The following FHIP1B variants were observed in gnomAD, a reference collection of about 807,000 sequenced individuals.
FHIP1B encodes FHF complex subunit HOOK-interacting protein 1B.
Under a neutral mutation model 82.2 loss-of-function variants are expected in FHIP1B, and 28 were observed. The ratio of observed to expected loss-of-function variants is 0.34; its 90% CI spans 0.25 to 0.47. The LOEUF (loss-of-function observed/expected upper bound fraction) is 0.47, where lower values mean the gene tolerates loss of function less well. FHIP1B is among the 20% of genes least tolerant of loss of function. The pLI, the probability that FHIP1B is intolerant of heterozygous loss-of-function variation, is 1.00. For synonymous variants in FHIP1B, 585 were observed against 516.1 expected (o/e 1.13, Z -1.81); for missense variants, 1,110 against 1,262.6 (o/e 0.88, Z 1.83).
chr11:6,216,960 T>C, intron 9 of FHIP1B: 1 of 632,218 alleles, frequency 1.6e-6, no homozygotes, highest in South Asian at 1.8e-5. Flanking sequence ...CTGGACGGAA[T>C]GGCATAGAGA....
At position 6,211,844 on chromosome 11, in the gene FHIP1B, C is replaced by T. The variant is rs751130875; in HGVS notation, c.2581G>A (p.Gly861Arg). 1.3e-6 allele frequency: 2 copies of T among 1,581,548 alleles called. No individual in the cohort carries two copies. Among genetic ancestry groups the T allele is most frequent in the Non-Finnish European group, 8.6e-7 (1 of 1,166,382 alleles). ...PLVKSRRPSLGELLLRHAHSP... is the reference protein window; with the variant it reads ...PLVKSRRPSLRELLLRHAHSP... ...TGTGCATGCCGCAGGAGTAACTCCC[C>T]CAAGGATGGCCTCCGGCTCTTCACT... Residue 861 changes from glycine to arginine, a missense_variant, in exon 12 of 12, where the codon GGG becomes AGG. Transcript: ENST00000449352.
intron 1 of FHIP1B, among the ~76,000 whole-genome samples, chr11:6,229,704 T>C (rs1330860922): frequency 1.3e-5 from 2 of 152,116 alleles, no homozygotes; most frequent in African/African-American, 2.4e-5. Context: ...CCAAGGAAGA[T>C]TAGCCTCCAG....
Position 6,211,448 on chromosome 11 carries a change from G to A in FHIP1B, c.*58C>T. 6.6e-7 allele frequency: 1 copy of A among 1,510,960 alleles called. No individual in the cohort carries two copies. The highest frequency in any genetic ancestry group is 1.4e-5 in the South Asian group (1 of 72,470). The allele number at this position is 1,510,960 out of a possible 1,614,324, so 93.6% of individuals were successfully genotyped here. A position where few individuals can be genotyped will look rare whatever the true frequency, so the allele number is the denominator to read the frequency against. ...CCACTGCCTCCAAACATAAAAAGGA[G>A]CCTGTGCCCTAGCCCCAGCCCGGGC... On this transcript the variant is annotated 3_prime_UTR_variant, in exon 12 of 12. Coordinates refer to ENST00000449352, the MANE Select transcript of FHIP1B (RefSeq NM_001098794.2).
intron 1 of FHIP1B, among the ~76,000 whole-genome samples, chr11:6,229,767 C>A (rs1373849509): frequency 3.3e-5 from 5 of 152,108 alleles, no homozygotes; most frequent in Admixed American, 2.6e-4. Context: ...ATTTCAAAGA[C>A]CTCAAGAGAA....
At chr11:6,214,644 C>A in intron 10 of FHIP1B, 71 bp from the exon 11 acceptor site, 1 of 1,554,426 alleles carries the variant, frequency 6.4e-7, no homozygotes, top group South Asian at 1.2e-5. Flanking sequence ...TCCCACTGGG[C>A]CTGTTCCCAG....
In FHIP1B at chr11:6,223,989, A is replaced by G; in HGVS notation, c.398T>C (p.Leu133Pro). 6.2e-7 allele frequency: 1 copy of G among 1,614,080 alleles called. No homozygotes were observed. The highest frequency in any genetic ancestry group is 8.5e-7 in the Non-Finnish European group (1 of 1,180,026). ...AGCTTCGCTCACTAGCATTTCAAATAGTTTCAGTTGCTCAGCCCGCCGTTC... is the reference window on the plus strand; with the variant it reads ...AGCTTCGCTCACTAGCATTTCAAATGGTTTCAGTTGCTCAGCCCGCCGTTC... Reference protein sequence around the residue: ...VEERRAEQLKLFEMLVSEARQ... With the variant: ...VEERRAEQLKPFEMLVSEARQ... The change falls in exon 3 of 12, where the codon CTA (leucine) becomes CCA (proline). Residue 133 changes from leucine to proline, a missense_variant. Leu to Pro is a moderately conservative substitution (Grantham distance 98). Around this residue, in one of 6 missense-constraint regions of FHIP1B, gnomAD observed 467 missense variants for 602.9 expected, o/e 0.77. Transcript: ENST00000449352. The surrounding 1 kb of genome is among the most constrained non-coding windows in gnomAD (Gnocchi z 4.8).
chr11:6,213,534 C>G (rs982923368), intron 11 of FHIP1B, among the ~76,000 whole-genome samples: 3 of 152,214 alleles, frequency 2.0e-5, no homozygotes, highest in Non-Finnish European at 2.9e-5. Context: ...CCAGATTGTA[C>G]ATTCTTTGAA....
chr11:6,222,926 G>A, intron 4 of FHIP1B, 29 bp from the exon 5 acceptor site: 2 of 1,608,098 alleles, frequency 1.2e-6, no homozygotes, highest in Non-Finnish European at 1.7e-6. Context: ...GAAGGGGGAG[G>A]GTTATGAGGA....
chr11:6,222,333 G>A lies in FHIP1B; in HGVS notation c.1191+109C>T, dbSNP rs1020889900. The A allele has an allele frequency of 7.4e-6, 9 of 1,219,122 alleles. No homozygotes were observed. In the African/African-American group the frequency reaches 1.4e-4, roughly 18 times the overall value. 75.5% of individuals were successfully genotyped at this position (1,219,122 alleles called of 1,614,324 possible). ...AGTTAATGCCACTTAATTTTGAGGT[G>A]ACTGCTGGAGATACAGGCAAAAGAA... On this transcript the variant is annotated intron_variant, in intron 6 of 11. Transcript: ENST00000449352.
In FHIP1B at chr11:6,231,469, CTTTTTTTTTTTTTTT is replaced by C. The variant is rs1167717523; in HGVS notation, c.-192+3060_-192+3074del. Among the ~76,000 whole-genome samples the C allele has an allele frequency of 2.4e-5, 3 of 125,322 alleles. No homozygotes were observed. The East Asian group carries it at 6.9e-4, about 29-fold the overall frequency. The allele number at this position is 125,322 out of a possible 152,430, so 82.2% of individuals were successfully genotyped here. ...TAATCAACTCATTATGATATATTTT[CTTTTTTTTTTTTTTT>C]TTTTTCTTGAGGTGGGGCCTCTGTC... On this transcript the variant is annotated intron_variant, in intron 1 of 11. Coordinates refer to ENST00000449352, the MANE Select transcript of FHIP1B (RefSeq NM_001098794.2).
chr11:6,221,708 T>C (rs1475505006), intron 6 of FHIP1B, among the ~76,000 whole-genome samples: 1 of 152,178 alleles, frequency 6.6e-6, no homozygotes, highest in Non-Finnish European at 1.5e-5. Flanking sequence ...AACTCCTTTA[T>C]AATCTCTATG....
chr11:6,222,675 T>C (rs1847445602), intron 5 of FHIP1B, 66 bp from the exon 6 acceptor site: 1 of 1,589,612 alleles, frequency 6.3e-7, no homozygotes, highest in Non-Finnish European at 8.6e-7. Context: ...CCATTTTCCC[T>C]GGATTCTAAG....
In FHIP1B at chr11:6,217,941, C is replaced by A. The variant is rs773004260; in HGVS notation, c.1645G>T (p.Asp549Tyr). 2 of 1,612,928 alleles carry A rather than the reference C, an allele frequency of 1.2e-6. No homozygotes were observed. The highest frequency in any genetic ancestry group is 3.3e-5 in the Admixed American group (2 of 60,024). The change falls in exon 9 of 12, where the codon GAC becomes TAC. Residue 549 changes from aspartate to tyrosine, a missense_variant. By Grantham distance (160) the Asp-to-Tyr change is radical. Coordinates refer to ENST00000449352, the MANE Select transcript of FHIP1B (RefSeq NM_001098794.2). ...TPAEEPGELEDNYLEYLREAR... is the reference protein window; with the variant it reads ...TPAEEPGELEYNYLEYLREAR... ...TCACGCAGATACTCCAGGTAATTGT[C>A]TTCCAGCTCTCCAGGCTCCTCTGCA...
intron 1 of FHIP1B, among the ~76,000 whole-genome samples, chr11:6,232,425 T>A (rs1354047182): frequency 6.6e-6 from 1 of 152,220 alleles, no homozygotes; most frequent in East Asian, 1.9e-4. Context: ...CCCTTTTCTG[T>A]CTTTTGGAAA....
chr11:6,222,797 C>T lies in FHIP1B; in HGVS notation c.1023+14G>A. ...GCTTAGCCCCTTATATGCCTTGCCA[C>T]CCATGACTCTCACCTTGTGCAAGGC... On this transcript the variant is annotated intron_variant, in intron 5 of 11. Transcript: ENST00000449352. The T allele has an allele frequency of 1.9e-6, 3 of 1,613,404 alleles. No homozygotes were observed. The highest frequency in any genetic ancestry group is 2.5e-6 in the Non-Finnish European group (3 of 1,179,334).
chr11:6,222,341 G>A (rs1400590977), intron 6 of FHIP1B, 101 bp downstream of exon 6: 5 of 1,314,556 alleles, frequency 3.8e-6, no homozygotes, highest in Non-Finnish European at 5.4e-6. Context: ...GTGACTGCTG[G>A]AGATACAGGC....
intron 11 of FHIP1B, among the ~76,000 whole-genome samples, 198 bp downstream of exon 11, chr11:6,214,213 G>C (rs58248156): frequency 6.6e-6 from 1 of 152,144 alleles, no homozygotes. Context: ...GTTTTTGCTA[G>C]AACTGCTGAT....
rs941692324 is a variant in FHIP1B, at chr11:6,219,012, C to G, written c.1230G>C (p.Leu410=). The G allele has an allele frequency of 6.2e-7, 1 of 1,613,742 alleles. No homozygotes were observed. Among genetic ancestry groups the G allele is most frequent in the Non-Finnish European group, 8.5e-7 (1 of 1,179,900 alleles). ...GCAGGACATCCTCACAGCTGAGGTT[C>G]AGGAGGGTCCTGAAGAGACTCAGAG... ...MVSLSLFRTL[L]NLSCEDVLLQ... is the part of the protein sequence containing the mutation. Residue 410 remains leucine (L), a synonymous_variant, in exon 7 of 12, where the codon CTG becomes CTC. Transcript: ENST00000449352.
rs770028848 is a variant in FHIP1B, at chr11:6,217,493, G to C, written c.2093C>G (p.Pro698Arg). Residue 698 changes from proline to arginine, a missense_variant, in exon 9 of 12, where the codon CCT becomes CGT. Coordinates refer to ENST00000449352, the MANE Select transcript of FHIP1B (RefSeq NM_001098794.2). ...CTCCTCCTCCTCAAGGGGCAGTGGA[G>C]GTTCTAAGGGGGACTCTGAGCCAGT... ...GGTGSESPLE[P>R]PLPLEEEEAY... The C allele has an allele frequency of 6.2e-7, 1 of 1,613,008 alleles. No homozygotes were observed. The highest frequency in any genetic ancestry group is 8.5e-7 in the Non-Finnish European group (1 of 1,179,414).
Sources: gnomAD v4.1 joint callset for allele counts (sites outside exome capture counted in the v4.1 genomes callset) on GRCh38, gnomAD v4.1.1 for gene constraint, gnomAD v4.1.1 regional missense constraint, Gnocchi (gnomAD v3.1) non-coding constraint, MANE v1.5 for transcripts, NCBI Gene and HGNC (gene_info 2026-07-23, HGNC 2026-07-21) for gene names.